The following FRK variants were observed in gnomAD, a reference collection of about 807,000 sequenced individuals.
FRK encodes fyn related Src family tyrosine kinase.
A neutral mutation model predicts 56.4 loss-of-function variants in FRK; 51 were observed. The observed-to-expected ratio is 0.90, with a 90% CI of 0.72 to 1.14. The LOEUF is 1.14. Ranked by LOEUF, FRK falls within the 50% of genes most tolerant of loss-of-function variation. FRK has a pLI of 0.00. For missense variants in FRK, 570 were observed against 601.4 expected, an observed-to-expected ratio of 0.95 and a Z score of 0.55; for synonymous variants, 245 against 217.9, an observed-to-expected ratio of 1.12 and a Z score of -1.10.
chr6:116,082,722 C>T, the FRK span, among the ~76,000 whole-genome samples: 1 of 152,072 alleles, frequency 6.6e-6, no homozygotes, highest in African/African-American at 2.4e-5. Flanking sequence ...AATTAGGTCA[C>T]TTTTAGACAG....
intron 2 of FRK, among the ~76,000 whole-genome samples, chr6:115,989,173 C>T (rs9320552): frequency 0.32 from 48,421 of 151,666 alleles, 8,310 homozygotes; most frequent in East Asian, 0.68. Context: ...ATATACAATC[C>T]AGTAGCTTTG....
At chr6:115,988,909 GAA>G (rs1774489078) in intron 2 of FRK, among the ~76,000 whole-genome samples, 1 of 151,922 alleles carries the variant, frequency 6.6e-6, no homozygotes, top group Admixed American at 6.6e-5. Flanking sequence ...CCAGTGAAAA[GAA>G]AGAGGAACTG....
chr6:115,938,019 T>C lies in FRK; in HGVS notation c.*4395A>G, dbSNP rs987577813. ...AATTCTCTACCCCAAATCAACAGAA[T>C]ATACATTCTTCTCAGCACCTCATCG... On this transcript the variant is annotated 3_prime_UTR_variant, in exon 8 of 8. Coordinates refer to ENST00000606080, the MANE Select transcript of FRK (RefSeq NM_002031.3). The C allele has an allele frequency of 5.9e-5, 9 of 152,220 alleles. No individual in the cohort carries two copies. The highest frequency in any genetic ancestry group is 1.9e-4 in the African/African-American group (8 of 41,458). The allele number at this position is 152,220 out of a possible 1,614,324, so 9.4% of individuals were successfully genotyped here.
At chr6:116,014,688 T>C (rs2114720670) in intron 1 of FRK, among the ~76,000 whole-genome samples, 1 of 152,264 alleles carries the variant, frequency 6.6e-6, no homozygotes, top group South Asian at 2.1e-4. Context: ...AGATACTCCA[T>C]TTAATATTTA....
intron 1 of FRK, among the ~76,000 whole-genome samples, chr6:116,004,879 T>C (rs1775194408): frequency 6.6e-6 from 1 of 152,152 alleles, no homozygotes; most frequent in African/African-American, 2.4e-5. Context: ...GCCATAAAAA[T>C]GGTCATCATC....
intron 1 of FRK, among the ~76,000 whole-genome samples, chr6:116,043,813 AAGATT>A (rs1776826454): frequency 6.6e-6 from 1 of 152,198 alleles, no homozygotes; most frequent in Non-Finnish European, 1.5e-5. Flanking sequence ...GTTTATTGAA[AAGATT>A]AACAAAATAG....
chr6:115,968,399 T>C (rs117229137), intron 3 of FRK, among the ~76,000 whole-genome samples, 177 bp downstream of exon 3: 129 of 152,260 alleles, frequency 8.5e-4, no homozygotes, highest in Non-Finnish European at 1.7e-3. Context: ...AAATAAAACT[T>C]ATTTACAAAA....
chr6:116,043,750 A>C (rs750014661), intron 1 of FRK, among the ~76,000 whole-genome samples: 1 of 152,206 alleles, frequency 6.6e-6, no homozygotes, highest in Non-Finnish European at 1.5e-5. Context: ...AGTAGAACTG[A>C]AGGAGATAGA....
chr6:116,058,805 G>T (rs1777497871), intron 1 of FRK, among the ~76,000 whole-genome samples: 1 of 151,172 alleles, frequency 6.6e-6, no homozygotes, highest in Non-Finnish European at 1.5e-5. Flanking sequence ...CAGCTACTTG[G>T]AAGGCTGAGG....
At chr6:116,017,763 G>A (rs1246387631) in intron 1 of FRK, among the ~76,000 whole-genome samples, 1 of 152,076 alleles carries the variant, frequency 6.6e-6, no homozygotes, top group Non-Finnish European at 1.5e-5. Context: ...ACTACAATTT[G>A]AAAAACACAG....
the FRK span, among the ~76,000 whole-genome samples, chr6:116,095,242 C>T: frequency 1.3e-5 from 2 of 152,206 alleles, no homozygotes; most frequent in African/African-American, 4.8e-5. Flanking sequence ...AAAACGACAC[C>T]ATGGGTATTC....
chr6:116,091,768 C>T, the FRK span, among the ~76,000 whole-genome samples: 10 of 152,254 alleles, frequency 6.6e-5, no homozygotes, highest in African/African-American at 1.2e-4. Context: ...TGACAACCCC[C>T]GGCTCTTTGG....
In FRK at chr6:115,949,695, T is replaced by C. The variant is rs142958227; in HGVS notation, c.959-5270A>G. ...AGAAAAAACTTCTTTAAATTTCATA[T>C]GGAACCAAAAAAGAGCCCGTATAGC... On this transcript the variant is annotated intron_variant, in intron 5 of 7. Coordinates refer to ENST00000606080, the MANE Select transcript of FRK (RefSeq NM_002031.3). Among the ~76,000 whole-genome samples the C allele has an allele frequency of 5.8e-3, 888 of 152,276 alleles. 11 individuals carry two copies. Among genetic ancestry groups the C allele is most frequent in the African/African-American group, 0.021 (857 of 41,552 alleles).
chr6:116,027,955 T>G (rs980768751), intron 1 of FRK, among the ~76,000 whole-genome samples: 10 of 152,066 alleles, frequency 6.6e-5, no homozygotes, highest in Non-Finnish European at 1.5e-5. Flanking sequence ...ATCCAGTATC[T>G]ACAGGAAAAG....
chr6:116,035,516 T>C (rs1049914848), intron 1 of FRK, among the ~76,000 whole-genome samples: 2 of 152,108 alleles, frequency 1.3e-5, no homozygotes, highest in Non-Finnish European at 2.9e-5. Context: ...GTAATAACAT[T>C]GAATGAAAAT....
chr6:116,005,503 T>C (rs1358923129), intron 1 of FRK, among the ~76,000 whole-genome samples: 1 of 152,202 alleles, frequency 6.6e-6, no homozygotes, highest in African/African-American at 2.4e-5. Flanking sequence ...TAGTCATGTC[T>C]AAATGTAAAG....
At chr6:116,055,518 G>C (rs953761462) in intron 1 of FRK, among the ~76,000 whole-genome samples, 1 of 152,180 alleles carries the variant, frequency 6.6e-6, no homozygotes, top group Non-Finnish European at 1.5e-5. Context: ...GAGATACAAA[G>C]ACACCATCGT....
the FRK span, among the ~76,000 whole-genome samples, chr6:116,068,874 T>C: frequency 6.6e-6 from 1 of 152,198 alleles, no homozygotes; most frequent in Non-Finnish European, 1.5e-5. Flanking sequence ...GTTTCATTCT[T>C]TGGCACTGTC....
At chr6:115,986,095 C>A (rs1415667630) in intron 2 of FRK, among the ~76,000 whole-genome samples, 1 of 151,708 alleles carries the variant, frequency 6.6e-6, no homozygotes, top group Non-Finnish European at 1.5e-5. Context: ...TATTCATTCT[C>A]TCCTAGCCTT....
Sources: allele counts gnomAD v4.1 joint callset (sites outside exome capture counted in the v4.1 genomes callset), GRCh38; gene constraint gnomAD v4.1.1; transcripts MANE v1.5; gene names NCBI Gene and HGNC (gene_info 2026-07-23, HGNC 2026-07-21).